Variants in DRC12 observed in about 807,000 individuals in gnomAD.
DRC12 encodes the protein dynein regulatory complex protein 12.
chr11:119,194,599 C>T, the DRC12 span, among the ~76,000 whole-genome samples: 17 of 149,680 alleles, frequency 1.1e-4, no homozygotes, highest in African/African-American at 3.0e-4. Context: ...ACCAGCTACT[C>T]GGGAGGCTGA....
the DRC12 span, chr11:119,190,403 C>T: frequency 6.2e-7 from 1 of 1,613,942 alleles, no homozygotes; most frequent in Non-Finnish European, 8.5e-7. The surrounding 1 kb of genome is among the most constrained non-coding windows in gnomAD (Gnocchi z 4.2). Flanking sequence ...TGCCCCATCC[C>T]ACTGCTGCTT....
the DRC12 span, chr11:119,190,947 C>A: frequency 1.5e-6 from 2 of 1,332,890 alleles, no homozygotes; most frequent in African/African-American, 1.5e-5. The surrounding 1 kb of genome is among the most constrained non-coding windows in gnomAD (Gnocchi z 4.2). Context: ...GTTCCAGACT[C>A]CCCCAGCATC....
At chr11:119,195,396 G>A in the DRC12 span, 1 of 1,542,344 alleles carries the variant, frequency 6.5e-7, no homozygotes, top group South Asian at 1.2e-5. Flanking sequence ...TGGAGAAGCA[G>A]GGGGCACCTC....
the DRC12 span, among the ~76,000 whole-genome samples, chr11:119,194,496 A>G: frequency 4.5e-5 from 6 of 132,186 alleles, no homozygotes; most frequent in Admixed American, 1.7e-4. Flanking sequence ...CCTGGGCGAC[A>G]GAGCACAAGA....
the DRC12 span, chr11:119,195,697 A>C: frequency 1.7e-6 from 1 of 582,444 alleles, no homozygotes; most frequent in Non-Finnish European, 3.0e-6. Context: ...AACCAGGCTG[A>C]CTCTGTACAG....
chr11:119,195,013 G>A, the DRC12 span: 1 of 1,545,208 alleles, frequency 6.5e-7, no homozygotes, highest in South Asian at 1.2e-5. Flanking sequence ...GCAAGTGGCA[G>A]AGCCTCAGCT....
chr11:119,194,403 AC>A, the DRC12 span, among the ~76,000 whole-genome samples: 29 of 149,922 alleles, frequency 1.9e-4, no homozygotes, highest in South Asian at 5.6e-3. Context: ...AATCCCAGCT[AC>A]TCGGGAGGCT....
the DRC12 span, chr11:119,193,869 T>C: frequency 6.4e-7 from 1 of 1,551,478 alleles, no homozygotes; most frequent in South Asian, 1.2e-5. Context: ...CTCGACGGGC[T>C]TCATCCCTCC....
chr11:119,195,772 C>T, the DRC12 span: 1 of 354,848 alleles, frequency 2.8e-6, no homozygotes, highest in South Asian at 3.4e-5. Flanking sequence ...CTCCCTCTTC[C>T]CATCATCCTC....
the DRC12 span, chr11:119,195,360 C>A: frequency 7.0e-7 from 1 of 1,420,616 alleles, no homozygotes; most frequent in Non-Finnish European, 9.7e-7. Flanking sequence ...TCTGGAGGAG[C>A]TCTGCGTGGT....
the DRC12 span, chr11:119,193,883 G>C: frequency 3.2e-6 from 5 of 1,551,320 alleles, no homozygotes; most frequent in Non-Finnish European, 3.5e-6. Context: ...TCCCTCCGTA[G>C]AGCTGTGAGC....
chr11:119,195,597 C>T, the DRC12 span: 1 of 822,254 alleles, frequency 1.2e-6, no homozygotes, highest in Non-Finnish European at 2.0e-6. Context: ...CCAAATTTGT[C>T]TCTCATATCC....
At chr11:119,193,352 A>T in the DRC12 span, 2 of 949,256 alleles carry the variant, frequency 2.1e-6, no homozygotes, top group South Asian at 2.7e-5. Flanking sequence ...GTGGAACAGG[A>T]GCACAAAGGC....
the DRC12 span, among the ~76,000 whole-genome samples, chr11:119,191,977 CTT>C: frequency 0.018 from 2,538 of 137,246 alleles, 71 homozygotes; most frequent in African/African-American, 0.06. Context: ...AACCGAAGGC[CTT>C]TTTTTTTTTT....
chr11:119,195,271 C>T, the DRC12 span: 2 of 712,718 alleles, frequency 2.8e-6, no homozygotes, highest in East Asian at 2.7e-5. Flanking sequence ...ACTTCCTCAG[C>T]TCCCTGGATC....
At chr11:119,190,379 T>G in the DRC12 span, 1 of 1,613,518 alleles carries the variant, frequency 6.2e-7, no homozygotes, top group African/African-American at 1.3e-5. The surrounding 1 kb of genome is among the most constrained non-coding windows in gnomAD (Gnocchi z 4.2). Context: ...GTGCCTGGCG[T>G]GAAGTCTCAG....
the DRC12 span, chr11:119,194,836 C>T: frequency 5.1e-6 from 5 of 981,710 alleles, no homozygotes; most frequent in East Asian, 5.6e-5. Context: ...CCCCACCATA[C>T]CTCCAACTCT....
At chr11:119,191,975 G>T in the DRC12 span, among the ~76,000 whole-genome samples, 1 of 119,764 alleles carries the variant, frequency 8.3e-6, no homozygotes, top group African/African-American at 3.5e-5. Flanking sequence ...TAAACCGAAG[G>T]CCTTTTTTTT....
At chr11:119,190,905 A>G in the DRC12 span, 1 of 1,553,586 alleles carries the variant, frequency 6.4e-7, no homozygotes, top group South Asian at 1.2e-5. This position sits in a 1 kb window ranked among gnomAD's most constrained non-coding sequence, Gnocchi z 4.2. Context: ...GTCTCTCCAA[A>G]GGTATCTGGA....
Sources: gnomAD v4.1 joint callset for allele counts (sites outside exome capture counted in the v4.1 genomes callset) on GRCh38, gnomAD v4.1.1 for gene constraint, Gnocchi (gnomAD v3.1) non-coding constraint, MANE v1.5 for transcripts, NCBI Gene and HGNC (gene_info 2026-07-23, HGNC 2026-07-21) for gene names.